The following COL24A1 variants were observed in gnomAD, a reference collection of about 807,000 sequenced individuals.
COL24A1 encodes collagen alpha-1(XXIV) chain.
A neutral mutation model predicts 253.9 loss-of-function variants in COL24A1; 224 were observed. The ratio of observed to expected loss-of-function variants is 0.88; its 90% confidence interval spans 0.79 to 0.99. The LOEUF is 0.99. COL24A1 is among the 50% of genes least tolerant of loss of function. The probability of loss-of-function intolerance (pLI) is 0.00; values close to 1 mark genes in which losing one functional copy is unlikely to be tolerated. For synonymous variants in COL24A1, 685 were observed against 673.7 expected, an observed-to-expected ratio of 1.02 and a Z score of -0.26; for missense variants, 2,131 against 2,068.5, an observed-to-expected ratio of 1.03 and a Z score of -0.59.
chr1:85,773,485 A>C (rs1419657719), intron 53 of COL24A1, among the ~76,000 whole-genome samples: 1 of 152,130 alleles, frequency 6.6e-6, no homozygotes, highest in African/African-American at 2.4e-5. Context: ...GACGATATTG[A>C]TTCTTCCTAT....
chr1:86,053,320 T>C (rs1700448652), intron 10 of COL24A1, among the ~76,000 whole-genome samples: 1 of 152,054 alleles, frequency 6.6e-6, no homozygotes, highest in Non-Finnish European at 1.5e-5. Flanking sequence ...AGAACTGAAG[T>C]CAGAACTCCA....
At chr1:85,832,222 AG>A (rs1675378602) in intron 43 of COL24A1, among the ~76,000 whole-genome samples, 1 of 152,084 alleles carries the variant, frequency 6.6e-6, no homozygotes, top group Non-Finnish European at 1.5e-5. Context: ...GGTTTGTCAA[AG>A]ATCAGATGGT....
intron 37 of COL24A1, among the ~76,000 whole-genome samples, chr1:85,855,135 C>A (rs1023082286): frequency 6.6e-6 from 1 of 152,128 alleles, no homozygotes; most frequent in Non-Finnish European, 1.5e-5. Flanking sequence ...AGCCTTTGAA[C>A]AGAGACTATA....
intron 31 of COL24A1, among the ~76,000 whole-genome samples, chr1:85,890,376 T>A (rs768791826): frequency 2.6e-5 from 4 of 151,552 alleles, no homozygotes; most frequent in Admixed American, 6.6e-5. Context: ...TGCACAAGGG[T>A]TCTAATTCCT....
chr1:86,026,361 CT>C (rs1189914202), intron 14 of COL24A1, among the ~76,000 whole-genome samples: 1 of 152,176 alleles, frequency 6.6e-6, no homozygotes, highest in Non-Finnish European at 1.5e-5. Flanking sequence ...GAATTGTAGT[CT>C]CCATAATCCC....
intron 19 of COL24A1, among the ~76,000 whole-genome samples, chr1:86,016,588 C>A (rs941376340): frequency 6.6e-6 from 1 of 152,140 alleles, no homozygotes; most frequent in Non-Finnish European, 1.5e-5. Context: ...ATATCTTTGA[C>A]TCATAGGTCT....
At chr1:85,839,984 A>G (rs1676426007) in intron 42 of COL24A1, among the ~76,000 whole-genome samples, 1 of 152,212 alleles carries the variant, frequency 6.6e-6, no homozygotes. Flanking sequence ...GATTTATTAT[A>G]GAGCATTAAT....
chr1:85,856,855 C>T (rs561287923), intron 37 of COL24A1, among the ~76,000 whole-genome samples: 35 of 152,170 alleles, frequency 2.3e-4, no homozygotes, highest in Middle Eastern at 3.4e-3. Context: ...CAACTTTTAA[C>T]ATTTCATGAG....
At chr1:85,808,856 A>G (rs1672244453) in intron 47 of COL24A1, among the ~76,000 whole-genome samples, 1 of 152,198 alleles carries the variant, frequency 6.6e-6, no homozygotes, top group African/African-American at 2.4e-5. Flanking sequence ...CATTCAAATC[A>G]GTCTCCCTGA....
rs372155128 is a variant in COL24A1, at chr1:85,777,026, T to A, written c.4339-1317A>T. Among the ~76,000 whole-genome samples, 157 of 152,082 alleles carry A rather than the reference T, an allele frequency of 1.0e-3. 1 individual carries two copies. Among genetic ancestry groups the A allele is most frequent in the Middle Eastern group, 6.8e-3 (2 of 294 alleles). ...GTGCAGTGGCATGATCTCAGCTCAC[T>A]ACAACCTCCACCTCCTGGGTTCAAG... On this transcript the variant is annotated intron_variant, in intron 52 of 59. Transcript: ENST00000370571.
At chr1:86,047,236 C>G (rs1027638531) in intron 11 of COL24A1, among the ~76,000 whole-genome samples, 3 of 152,208 alleles carry the variant, frequency 2.0e-5, no homozygotes, top group Non-Finnish European at 4.4e-5. Flanking sequence ...TCTCTGCCTT[C>G]CCCTCTCTAT....
intron 7 of COL24A1, among the ~76,000 whole-genome samples, chr1:86,079,351 T>TA (rs2101895988): frequency 6.6e-6 from 1 of 152,274 alleles, no homozygotes; most frequent in South Asian, 2.1e-4. Context: ...ATGAAACTAC[T>TA]ACAAGAAAAT....
At chr1:85,917,126 A>T (rs1310970375) in intron 24 of COL24A1, among the ~76,000 whole-genome samples, 1 of 152,240 alleles carries the variant, frequency 6.6e-6, no homozygotes, top group Admixed American at 6.5e-5. Context: ...TATATGTATC[A>T]ACATGGATAA....
chr1:85,942,955 T>C (rs1243942305), intron 24 of COL24A1, among the ~76,000 whole-genome samples: 1 of 152,184 alleles, frequency 6.6e-6, no homozygotes, highest in African/African-American at 2.4e-5. Flanking sequence ...AGCATTACTT[T>C]GGGTGTGTCT....
intron 12 of COL24A1, among the ~76,000 whole-genome samples, chr1:86,034,562 T>C (rs568227652): frequency 3.3e-5 from 5 of 152,282 alleles, no homozygotes; most frequent in Admixed American, 3.3e-4. Flanking sequence ...CTATACTGAA[T>C]ACTTTAAATC....
At chr1:85,764,355 T>C (rs553382757) in intron 53 of COL24A1, among the ~76,000 whole-genome samples, 108 of 151,878 alleles carry the variant, frequency 7.1e-4, no homozygotes, top group African/African-American at 2.6e-3. Flanking sequence ...ATGGAATGAG[T>C]GAGCACCACA....
rs751884453 is a variant in COL24A1, at chr1:85,948,523, C to CAAA, written c.2562+12723_2562+12725dup. On this transcript the variant is annotated intron_variant, in intron 24 of 59. Transcript: ENST00000370571. ...TGGGCGACAGAGCGAGACTCCGTCTCAAAAAAAAAAAAAAAAAAAAAAAAG... is the reference window on the plus strand; with the variant it reads ...TGGGCGACAGAGCGAGACTCCGTCTCAAAAAAAAAAAAAAAAAAAAAAAAAAAG... 6.0e-3 allele frequency among the ~76,000 whole-genome samples: 380 copies of CAAA among 63,570 alleles called. 5 individuals carry two copies. The highest frequency in any genetic ancestry group is 8.3e-3 in the Middle Eastern group (1 of 120). 41.7% of individuals were successfully genotyped at this position (63,570 alleles called of 152,430 possible).
intron 8 of COL24A1, among the ~76,000 whole-genome samples, chr1:86,061,366 T>G (rs1701078480): frequency 6.6e-6 from 1 of 152,098 alleles, no homozygotes; most frequent in Non-Finnish European, 1.5e-5. Context: ...TAAAAGGCTG[T>G]TTTTATTCTG....
intron 24 of COL24A1, among the ~76,000 whole-genome samples, chr1:85,940,009 T>C (rs923082857): frequency 6.6e-6 from 1 of 152,180 alleles, no homozygotes; most frequent in Non-Finnish European, 1.5e-5. Context: ...GTATGTCTTA[T>C]TAAGGTTTCC....
Sources: allele counts gnomAD v4.1 joint callset (sites outside exome capture counted in the v4.1 genomes callset), GRCh38; gene constraint gnomAD v4.1.1; transcripts MANE v1.5; gene names NCBI Gene and HGNC (gene_info 2026-07-23, HGNC 2026-07-21).